The following MICAL2 variants were observed in gnomAD, a reference collection of about 807,000 sequenced individuals.
The protein encoded by MICAL2 is [F-actin]-monooxygenase MICAL2.
In MICAL2, 77 loss-of-function variants were observed where a neutral mutation model predicts 127.3. The ratio of observed to expected loss-of-function variants is 0.60; its 90% CI spans 0.50 to 0.73. The LOEUF (loss-of-function observed/expected upper bound fraction) is 0.73, where lower values mean the gene tolerates loss of function less well. MICAL2 is among the 30% of genes least tolerant of loss of function. The pLI is 0.00. For missense variants in MICAL2, 1,351 were observed against 1,434.4 expected, an observed-to-expected ratio of 0.94 and a Z score of 0.94; for synonymous variants, 570 against 551.1, an observed-to-expected ratio of 1.03 and a Z score of -0.48.
At chr11:12,347,293 G>T (rs1456026865) in intron 32 of MICAL2, among the ~76,000 whole-genome samples, 1 of 152,144 alleles carries the variant, frequency 6.6e-6, no homozygotes, top group East Asian at 1.9e-4. Context: ...TTGCTTTATT[G>T]TGATTGTTTT....
chr11:12,299,087 G>T (rs190027371), intron 29 of MICAL2, among the ~76,000 whole-genome samples: 53 of 152,270 alleles, frequency 3.5e-4, no homozygotes, highest in African/African-American at 1.2e-3. Flanking sequence ...TCAGAAAATA[G>T]TATGACTTCC....
At chr11:12,226,997 A>C in intron 14 of MICAL2, 28 bp from the exon 15 acceptor site, 1 of 1,572,660 alleles carries the variant, frequency 6.4e-7, no homozygotes. Context: ...CAGGTTCCAA[A>C]TCACAGTTGC....
At chr11:12,197,181 A>G (rs539681813) in intron 3 of MICAL2, among the ~76,000 whole-genome samples, 42 of 152,294 alleles carry the variant, frequency 2.8e-4, no homozygotes, top group Admixed American at 4.6e-4. Context: ...TCTGCCACAT[A>G]ACACTTATGG....
chr11:12,123,189 T>A (rs1295267326), intron 1 of MICAL2, among the ~76,000 whole-genome samples: 1 of 152,226 alleles, frequency 6.6e-6, no homozygotes, highest in Non-Finnish European at 1.5e-5. Flanking sequence ...ATTTTCTGAA[T>A]TTTTTAAGAT....
intron 32 of MICAL2, among the ~76,000 whole-genome samples, chr11:12,349,601 C>G (rs181487305): frequency 6.6e-6 from 1 of 152,224 alleles, no homozygotes; most frequent in African/African-American, 2.4e-5. Flanking sequence ...ACCATTGGAA[C>G]TGGAGTAGTC....
chr11:12,131,299 CAAAAAAAAAAAAA>C lies in MICAL2; in HGVS notation c.-148-7078_-148-7066del, dbSNP rs60340716. 1.5e-4 allele frequency among the ~76,000 whole-genome samples: 2 copies of C among 13,702 alleles called. 1 individual carries two copies. Among genetic ancestry groups the C allele is most frequent in the Non-Finnish European group, 3.5e-4 (2 of 5,688 alleles). 9.0% of individuals were successfully genotyped at this position (13,702 alleles called of 152,430 possible). A position where few individuals can be genotyped will look rare whatever the true frequency, so the allele number is the denominator to read the frequency against. On this transcript the variant is annotated intron_variant, in intron 1 of 27. Transcript: ENST00000683283. ...TGGGCGACAGAGCGAGACTCCGTCTCAAAAAAAAAAAAAAAAAAAAAAAAAGATCCCAGTAGAA... is the reference window on the plus strand; with the variant it reads ...TGGGCGACAGAGCGAGACTCCGTCTCAAAAAAAAAAAAGATCCCAGTAGAA...
Position 12,236,256 on chromosome 11 carries a change from A to G in MICAL2, c.2064+11A>G. 2.5e-6 allele frequency: 4 copies of G among 1,613,616 alleles called. No individual in the cohort carries two copies. Among genetic ancestry groups the G allele is most frequent in the Non-Finnish European group, 3.4e-6 (4 of 1,179,480 alleles). ...ACCAACCTGGACGAGGTTTGTGTAC[A>G]CAGTGTGGCTTTAAACAGAGGCTCG... On this transcript the variant is annotated intron_variant, in intron 16 of 27. Transcript: ENST00000683283.
rs59467958 is a variant in MICAL2 at position 12,149,935 on chromosome 11, G to A, written c.-78+11475G>A. On this transcript the variant is annotated intron_variant, in intron 2 of 27. Transcript: ENST00000683283. The stretch of plus-strand genomic sequence containing the variant: ...CATTTTCAGGGGCAAGTAGAGAGGG[G>A]TCTGCCCTCTCTATGGGGCCTCAAG... 9.4e-3 allele frequency among the ~76,000 whole-genome samples: 1,435 copies of A among 152,248 alleles called. 21 individuals carry two copies. The highest frequency in any genetic ancestry group is 0.033 in the African/African-American group (1,379 of 41,536).
chr11:12,280,209 A>T (rs59257632), intron 1 of MICAL2, among the ~76,000 whole-genome samples: 2,945 of 151,888 alleles, frequency 0.019, 95 homozygotes, highest in African/African-American at 0.067. Context: ...TGGGGAAGAG[A>T]GCAGTATTTA....
chr11:12,142,185 T>G (rs570117281), intron 2 of MICAL2, among the ~76,000 whole-genome samples: 1 of 152,160 alleles, frequency 6.6e-6, no homozygotes, highest in Non-Finnish European at 1.5e-5. Context: ...TCTAAGGTGT[T>G]AGCAGGGCCC....
At chr11:12,198,159 A>G (rs886641502) in intron 3 of MICAL2, among the ~76,000 whole-genome samples, 1 of 152,068 alleles carries the variant, frequency 6.6e-6, no homozygotes, top group South Asian at 2.1e-4. Flanking sequence ...TGTACCCTGG[A>G]ATCAGAGGTT....
At chr11:12,296,674 C>T (rs1279265721), downstream of MICAL2, among the ~76,000 whole-genome samples, 2 of 151,826 alleles carry the variant, frequency 1.3e-5, 1 homozygote, top group Non-Finnish European at 2.9e-5. Context: ...TGTCCCTGAG[C>T]AATCCAGGTC....
At chr11:12,112,151 G>T (rs1849658799) in intron 1 of MICAL2, among the ~76,000 whole-genome samples, 1 of 152,208 alleles carries the variant, frequency 6.6e-6, no homozygotes, top group Admixed American at 6.5e-5. Flanking sequence ...GGCCCTGTCA[G>T]TGTGAGTCCA....
chr11:12,143,644 A>G (rs955608392), intron 2 of MICAL2, among the ~76,000 whole-genome samples: 1 of 152,198 alleles, frequency 6.6e-6, no homozygotes, highest in Admixed American at 6.5e-5. Flanking sequence ...AAAATGTCTC[A>G]GATTCCTCTT....
chr11:12,130,116 AT>A (rs1851294995), intron 1 of MICAL2, among the ~76,000 whole-genome samples: 1 of 152,186 alleles, frequency 6.6e-6, no homozygotes, highest in Non-Finnish European at 1.5e-5. Context: ...TGCTCAAATC[AT>A]CCCCACTCCA....
intron 26 of MICAL2, 63 bp downstream of exon 26, chr11:12,259,960 T>C (rs1862876543): frequency 3.8e-6 from 6 of 1,582,596 alleles, no homozygotes; most frequent in Non-Finnish European, 5.2e-6. Context: ...GAGGGACCTG[T>C]GTAACTGGAT....
At chr11:12,222,799 G>A (rs552888794) in intron 11 of MICAL2, 56 bp downstream of exon 11, 4 of 1,601,122 alleles carry the variant, frequency 2.5e-6, no homozygotes, top group South Asian at 1.1e-5. Context: ...AGTGGGAAGA[G>A]GTGGTGGGGA....
At chr11:12,325,176 C>A (rs1408276221) in intron 31 of MICAL2, among the ~76,000 whole-genome samples, 1 of 152,082 alleles carries the variant, frequency 6.6e-6, no homozygotes, top group Non-Finnish European at 1.5e-5. Flanking sequence ...GTGGTGTGAT[C>A]TCAGTTCACT....
chr11:12,170,980 G>A (rs1856185190), intron 3 of MICAL2, among the ~76,000 whole-genome samples: 1 of 152,204 alleles, frequency 6.6e-6, no homozygotes, highest in Admixed American at 6.5e-5. Context: ...GCTTTACTAT[G>A]TGAGCCCCGG....
Sources: gnomAD v4.1 joint callset for allele counts (sites outside exome capture counted in the v4.1 genomes callset) on GRCh38, gnomAD v4.1.1 for gene constraint, MANE v1.5 for transcripts, NCBI Gene and HGNC (gene_info 2026-07-23, HGNC 2026-07-21) for gene names.